Variants in TCF20 observed in about 807,000 individuals in gnomAD.
The protein encoded by TCF20 is transcription factor 20.
Under a neutral mutation model 148.6 loss-of-function variants are expected in TCF20, and 3 were observed. The observed-to-expected ratio is 0.02, with a 90% CI of 0.01 to 0.05. The LOEUF (loss-of-function observed/expected upper bound fraction) is 0.05. Ranked by LOEUF, TCF20 falls within the 10% of genes least tolerant of loss-of-function variation. The pLI, the probability that TCF20 is intolerant of heterozygous loss-of-function variation, is 1.00. For missense variants in TCF20, 2,350 were observed against 2,429.3 expected, an observed-to-expected ratio of 0.97 and a Z score of 0.69; for synonymous variants, 1,049 against 909.5, an observed-to-expected ratio of 1.15 and a Z score of -2.76.
At chr22:42,283,401 G>T (rs1601692247) in intron 1 of TCF20, among the ~76,000 whole-genome samples, 1 of 152,210 alleles carries the variant, frequency 6.6e-6, no homozygotes, top group African/African-American at 2.4e-5. Flanking sequence ...ACGGGGGCGC[G>T]GCTGGATCTG....
intron 2 of TCF20, among the ~76,000 whole-genome samples, chr22:42,204,994 C>T (rs573141537): frequency 3.9e-5 from 6 of 152,266 alleles, no homozygotes; most frequent in Non-Finnish European, 7.4e-5. Flanking sequence ...AAAGACTCCC[C>T]GACTCCCCCA....
rs550450710 is a variant in TCF20, at chr22:42,307,971, G to A, written c.-37+35508C>T. 3.3e-5 allele frequency among the ~76,000 whole-genome samples: 5 copies of A among 152,362 alleles called. No individual in the cohort carries two copies. In the South Asian group the frequency reaches 1.0e-3, roughly 32 times the overall value. The stretch of plus-strand genomic sequence containing the variant: ...GCCATATGTTATTATAATGGCCTTG[G>A]CCAATAGGGGCGCAGGCTATTAGAA... On this transcript the variant is annotated intron_variant, in intron 1 of 1. Coordinates refer to the TCF20 transcript ENST00000515426.
intron 2 of TCF20, 54 bp from the exon 3 acceptor site, chr22:42,179,756 T>C (rs1936681190): frequency 8.4e-7 from 1 of 1,186,170 alleles, no homozygotes; most frequent in Non-Finnish European, 1.3e-6. Context: ...GGCCCTCTCC[T>C]CCAGGCCTTC....
At chr22:42,182,603 G>C (rs75993207) in intron 2 of TCF20, among the ~76,000 whole-genome samples, 1 of 152,156 alleles carries the variant, frequency 6.6e-6, no homozygotes, top group Non-Finnish European at 1.5e-5. Context: ...CATCCAAAGG[G>C]GAAAGACTCT....
Position 42,299,638 on chromosome 22 carries a change from T to A in TCF20, c.-37+43841A>T, listed in dbSNP as rs1400552609. On this transcript the variant is annotated intron_variant, in intron 1 of 1. Coordinates refer to the TCF20 transcript ENST00000515426. The surrounding 1 kb of genome is among the most constrained non-coding windows in gnomAD (Gnocchi z 4.1). ...AGCAGCTCTCCAACCTCTGTACCTCTCCCCGAACGCAGGCCCCCCTGCCCG... is the reference window on the plus strand; with the variant it reads ...AGCAGCTCTCCAACCTCTGTACCTCACCCCGAACGCAGGCCCCCCTGCCCG... Among the ~76,000 whole-genome samples, 1 of 151,922 alleles carries A rather than the reference T, an allele frequency of 6.6e-6. No individual in the cohort carries two copies. Among genetic ancestry groups the A allele is most frequent in the Admixed American group, 6.6e-5 (1 of 15,260 alleles).
chr22:42,210,537 C>G lies in TCF20; in HGVS notation c.4769G>C (p.Gly1590Ala). The G allele has an allele frequency of 6.2e-7, 1 of 1,614,158 alleles. No individual in the cohort carries two copies. Among genetic ancestry groups the G allele is most frequent in the Non-Finnish European group, 8.5e-7 (1 of 1,180,030 alleles). The change falls in exon 2 of 6, where the codon GGG becomes GCG. Residue 1590 changes from glycine to alanine, a missense_variant. Coordinates refer to ENST00000677622, the MANE Select transcript of TCF20 (RefSeq NM_001378418.1). The surrounding 1 kb of genome is among the most constrained non-coding windows in gnomAD (Gnocchi z 4.7). ...GGTTTTTCGCTTCCTCGGCTGGGCC[C>G]CAGGCTTCCTTCTCTCCCTCCTTTG... ...QRQRRERRKPGAQPRKRKTKQ... is the reference protein window; with the variant it reads ...QRQRRERRKPAAQPRKRKTKQ...
chr22:42,200,200 A>G (rs1046418780), intron 2 of TCF20, among the ~76,000 whole-genome samples: 2 of 152,152 alleles, frequency 1.3e-5, no homozygotes, highest in African/African-American at 4.8e-5. Flanking sequence ...ACGCAAACCT[A>G]AATTTCTTTT....
upstream of TCF20, among the ~76,000 whole-genome samples, chr22:42,284,037 G>A (rs976180031): frequency 2.6e-5 from 4 of 152,222 alleles, no homozygotes; most frequent in African/African-American, 9.6e-5. Flanking sequence ...GGGCCGGGGC[G>A]GTGACATCAG....
intron 2 of TCF20, among the ~76,000 whole-genome samples, chr22:42,194,475 C>T (rs199728597): frequency 6.6e-6 from 1 of 152,156 alleles, no homozygotes; most frequent in Admixed American, 6.5e-5. Flanking sequence ...TTCCTCAGGT[C>T]TCTACCAGGG....
At chr22:42,276,678 C>T (rs1003979584) in intron 1 of TCF20, 1 of 152,212 alleles carries the variant, frequency 6.6e-6, no homozygotes, top group Non-Finnish European at 1.5e-5. Context: ...GCTTAATCAA[C>T]TCCGTCTCTC....
chr22:42,216,553 G>T (rs1358020218), intron 1 of TCF20, among the ~76,000 whole-genome samples: 1 of 152,110 alleles, frequency 6.6e-6, no homozygotes, highest in Non-Finnish European at 1.5e-5. Flanking sequence ...AGGTACAAAG[G>T]GCTAGACTTA....
chr22:42,239,801 A>C (rs992383993), intron 1 of TCF20, among the ~76,000 whole-genome samples: 21 of 152,332 alleles, frequency 1.4e-4, no homozygotes, highest in African/African-American at 5.1e-4. Context: ...TCAAAAATAA[A>C]TAAAATAAAA....
chr22:42,166,611 A>G (rs547042866), intron 5 of TCF20, among the ~76,000 whole-genome samples: 34 of 147,334 alleles, frequency 2.3e-4, no homozygotes, highest in African/African-American at 8.3e-4. Flanking sequence ...TCCGTCTCCA[A>G]AAAAAAAAAA....
chr22:42,289,309 C>T (rs762705543), intron 1 of TCF20, among the ~76,000 whole-genome samples: 14 of 152,190 alleles, frequency 9.2e-5, no homozygotes, highest in Non-Finnish European at 1.6e-4. Context: ...ATCCCACCGA[C>T]ACACTCTGGG....
chr22:42,252,619 T>G (rs1925471235), intron 1 of TCF20, among the ~76,000 whole-genome samples: 1 of 151,980 alleles, frequency 6.6e-6, no homozygotes. Flanking sequence ...CCCAGCTAAT[T>G]TTTGTATTTT....
intron 1 of TCF20, among the ~76,000 whole-genome samples, chr22:42,225,441 C>T (rs1325056986): frequency 2.0e-5 from 3 of 150,512 alleles, no homozygotes; most frequent in Admixed American, 6.6e-5. Flanking sequence ...GGTGAAACCC[C>T]GTCTCTACTA....
rs576471674 is a variant in TCF20, at chr22:42,290,085, C to T, written c.-37+53394G>A. 9.2e-5 allele frequency among the ~76,000 whole-genome samples: 14 copies of T among 152,346 alleles called. No individual in the cohort carries two copies. The South Asian group carries it at 2.1e-3, about 23-fold the overall frequency. On this transcript the variant is annotated intron_variant, in intron 1 of 1. Transcript: ENST00000515426. The surrounding 1 kb of genome is among the most constrained non-coding windows in gnomAD (Gnocchi z 4.2). ...CGCCGCACGCATGCGCCCCCTGCACCGCCGGCTGCTGCTTGGGGAGCGGGG... is the reference window on the plus strand; with the variant it reads ...CGCCGCACGCATGCGCCCCCTGCACTGCCGGCTGCTGCTTGGGGAGCGGGG...
intron 1 of TCF20, among the ~76,000 whole-genome samples, chr22:42,331,034 G>A (rs1250195797): frequency 2.0e-5 from 3 of 152,256 alleles, no homozygotes; most frequent in South Asian, 2.1e-4. Flanking sequence ...AGGGCTGCTC[G>A]GGGCTGGGGC....
chr22:42,220,734 G>A (rs896647803), intron 1 of TCF20, among the ~76,000 whole-genome samples: 4 of 152,166 alleles, frequency 2.6e-5, no homozygotes, highest in African/African-American at 9.7e-5. Flanking sequence ...TAAGAGGCAG[G>A]AGAGGAGGAA....
Sources: allele counts gnomAD v4.1 joint callset (sites outside exome capture counted in the v4.1 genomes callset), GRCh38; gene constraint gnomAD v4.1.1; non-coding constraint Gnocchi (gnomAD v3.1); transcripts MANE v1.5; gene names NCBI Gene and HGNC (gene_info 2026-07-23, HGNC 2026-07-21).